The following MFAP5 variants were observed in gnomAD, a reference collection of about 807,000 sequenced individuals.
MFAP5 encodes the protein microfibril associated protein 5, also known as microfibrillar-associated protein 5.
MFAP5 carries 19 observed loss-of-function variants against 30.1 expected under a neutral mutation model. The ratio of observed to expected loss-of-function variants is 0.63; its 90% CI spans 0.44 to 0.93. MFAP5 has a LOEUF of 0.93. Ranked by LOEUF, MFAP5 falls within the 40% of genes least tolerant of loss-of-function variation. MFAP5 has a pLI of 0.00. For synonymous variants in MFAP5, 92 were observed against 72.9 expected (o/e 1.26, Z -1.33); for missense variants, 210 against 221.3 (o/e 0.95, Z 0.32).
At chr12:8,657,873 G>A (rs919081117) in intron 3 of MFAP5, among the ~76,000 whole-genome samples, 1 of 152,036 alleles carries the variant, frequency 6.6e-6, no homozygotes, top group Admixed American at 6.6e-5. Flanking sequence ...TGCCCGGCCT[G>A]ACTTCTTTTT....
In MFAP5 at chr12:8,648,077, C is replaced by G. The variant is rs373632449; in HGVS notation, c.*14G>C. The G allele has an allele frequency of 2.9e-5, 46 of 1,593,846 alleles. No individual in the cohort carries two copies. The highest frequency in any genetic ancestry group is 3.2e-5 in the Non-Finnish European group (37 of 1,164,390). Reference sequence around the variant, plus strand: ...TCACCCATACATTTTTTCTTCTTTCCTCTTTTTCAATGATCACAGACCATT... The same window carrying G: ...TCACCCATACATTTTTTCTTCTTTCGTCTTTTTCAATGATCACAGACCATT... On this transcript the variant is annotated 3_prime_UTR_variant, in exon 10 of 10. Coordinates refer to ENST00000359478, the MANE Select transcript of MFAP5 (RefSeq NM_003480.4).
intron 3 of MFAP5, among the ~76,000 whole-genome samples, chr12:8,659,075 G>A (rs1182070783): frequency 2.0e-5 from 3 of 149,912 alleles, no homozygotes; most frequent in East Asian, 2.0e-4. Context: ...TTGGGAGGCC[G>A]AGGCCTGCAG....
chr12:8,652,477 T>TAAATAAATAAAG (rs1490595041), intron 6 of MFAP5, among the ~76,000 whole-genome samples: 8 of 110,394 alleles, frequency 7.2e-5, no homozygotes, highest in African/African-American at 2.6e-4. Context: ...AATAAATAAA[T>TAAATAAATAAAG]AAAGAATAAT....
In MFAP5 at chr12:8,648,323, C is replaced by T. The variant is rs761771487; in HGVS notation, c.410-120G>A. 114 of 960,758 alleles carry T rather than the reference C, an allele frequency of 1.2e-4. No homozygotes were observed. The East Asian group carries it at 1.9e-3, about 16-fold the overall frequency. 59.5% of individuals were successfully genotyped at this position (960,758 alleles called of 1,614,324 possible). A position where few individuals can be genotyped will look rare whatever the true frequency, so the allele number is the denominator to read the frequency against. On this transcript the variant is annotated intron_variant, in intron 9 of 9. Coordinates refer to ENST00000359478, the MANE Select transcript of MFAP5 (RefSeq NM_003480.4). ...TGAAAAGGTTGGAGAGAAAAAGATC[C>T]GGGTTTTAACCAGCTCTGCCACTTA...
chr12:8,655,494 T>A (rs749703503), intron 4 of MFAP5, 47 bp from the exon 5 acceptor site: 1 of 1,575,904 alleles, frequency 6.3e-7, no homozygotes, highest in Non-Finnish European at 8.7e-7. Flanking sequence ...TCAGGAAAAG[T>A]AGCTAAGGAA....
chr12:8,654,521 A>G lies in MFAP5; in HGVS notation c.173-40T>C, dbSNP rs376563315. Reference sequence around the variant, plus strand: ...AACAGCAGGTATGAGGAGGGCTTCAAATTGCAAACACAAGGCAGAGTAAGA... The same window carrying G: ...AACAGCAGGTATGAGGAGGGCTTCAGATTGCAAACACAAGGCAGAGTAAGA... On this transcript the variant is annotated intron_variant, in intron 5 of 9. Transcript: ENST00000359478. The G allele has an allele frequency of 5.1e-6, 8 of 1,567,794 alleles. No individual in the cohort carries two copies. In the African/African-American group the frequency reaches 1.1e-4, roughly 21 times the overall value.
rs1491574935 is a variant in MFAP5, at chr12:8,656,669, T to TATATA, written c.95-840_95-839insTATAT. On this transcript the variant is annotated intron_variant, in intron 3 of 9. Transcript: ENST00000359478. ...ACACACATATATATATATATATATATTTTTTTTTTTTGAGACAGAGTCTGG... is the reference window on the plus strand; with the variant it reads ...ACACACATATATATATATATATATATATATATTTTTTTTTTTGAGACAGAGTCTGG... Among the ~76,000 whole-genome samples the TATATA allele has an allele frequency of 1.7e-4, 15 of 86,650 alleles. 1 individual carries two copies. Among genetic ancestry groups the TATATA allele is most frequent in the African/African-American group, 8.4e-4 (15 of 17,822 alleles). The allele number at this position is 86,650 out of a possible 152,430, so 56.8% of individuals were successfully genotyped here.
chr12:8,656,937 G>T (rs1942019397), intron 3 of MFAP5, among the ~76,000 whole-genome samples: 1 of 152,014 alleles, frequency 6.6e-6, no homozygotes, highest in Non-Finnish European at 1.5e-5. Flanking sequence ...CAGTGTGCTA[G>T]GATTACAGGT....
At chr12:8,652,860 T>G (rs1387178345) in intron 6 of MFAP5, among the ~76,000 whole-genome samples, 1 of 152,194 alleles carries the variant, frequency 6.6e-6, no homozygotes, top group South Asian at 2.1e-4. Context: ...ATACAGTGAA[T>G]GAGACCACCA....
At chr12:8,660,388 T>G in intron 3 of MFAP5, among the ~76,000 whole-genome samples, 1 of 151,786 alleles carries the variant, frequency 6.6e-6, no homozygotes, top group East Asian at 1.9e-4. Flanking sequence ...GGTCTCCCTG[T>G]GCTGCCCAGT....
chr12:8,654,943 A>AAAG (rs1328249149), intron 5 of MFAP5, among the ~76,000 whole-genome samples: 3 of 149,660 alleles, frequency 2.0e-5, no homozygotes, highest in Admixed American at 1.3e-4. Context: ...TCTGTCTCAA[A>AAAG]AAAAAAAAAA....
chr12:8,662,263 C>T (rs1942175778), intron 1 of MFAP5, 157 bp from the exon 2 acceptor site: 3 of 602,274 alleles, frequency 5.0e-6, no homozygotes, highest in African/African-American at 1.9e-5. Flanking sequence ...CTTTTCTTAC[C>T]TTTCACCCAA....
intron 8 of MFAP5, 55 bp from the exon 9 acceptor site, chr12:8,649,629 G>A (rs2136460132): frequency 1.4e-6 from 2 of 1,469,434 alleles, no homozygotes; most frequent in East Asian, 2.3e-5. Context: ...AGCCTTGAGA[G>A]GAGAACTCAC....
rs767238399 is a variant in MFAP5 at position 8,655,956 on chromosome 12, T to G, written c.95-126A>C. 5.3e-6 allele frequency: 4 copies of G among 755,428 alleles called. No individual in the cohort carries two copies. In the East Asian group the frequency reaches 9.8e-5, roughly 18 times the overall value. 46.8% of individuals were successfully genotyped at this position (755,428 alleles called of 1,614,324 possible). The stretch of plus-strand genomic sequence containing the variant: ...TGAGTATCCCACAAATGTTTTTCCT[T>G]GACTGCTTACAATAATGACAAACGA... On this transcript the variant is annotated intron_variant, in intron 3 of 9. Transcript: ENST00000359478.
chr12:8,648,432 C>A, intron 9 of MFAP5: 1 of 1,001,298 alleles, frequency 1.0e-6, no homozygotes, highest in Non-Finnish European at 1.4e-6. Context: ...AATTAAAATA[C>A]CTACCTCAAC....
At chr12:8,654,748 C>T (rs769831987) in intron 5 of MFAP5, among the ~76,000 whole-genome samples, 4 of 151,718 alleles carry the variant, frequency 2.6e-5, no homozygotes, top group Non-Finnish European at 5.9e-5. Flanking sequence ...GAGTTCAAGA[C>T]CAGCCTGGCC....
chr12:8,656,668 A>ATAT (rs1174790172), intron 3 of MFAP5, among the ~76,000 whole-genome samples: 9 of 118,786 alleles, frequency 7.6e-5, no homozygotes, highest in African/African-American at 2.1e-4. Context: ...ATATATATAT[A>ATAT]TTTTTTTTTT....
intron 9 of MFAP5, 192 bp from the exon 10 acceptor site, chr12:8,648,395 C>A: frequency 9.7e-6 from 9 of 927,414 alleles, no homozygotes; most frequent in South Asian, 9.1e-5. Context: ...ATTTTATAAA[C>A]CTCACTATCC....
intron 8 of MFAP5, 198 bp downstream of exon 8, chr12:8,650,304 A>G (rs928537505): frequency 1.8e-6 from 1 of 568,766 alleles, no homozygotes; most frequent in Non-Finnish European, 3.2e-6. Context: ...TCTAAGTTCT[A>G]TTACTCTGCC....
Sources: allele counts gnomAD v4.1 joint callset (sites outside exome capture counted in the v4.1 genomes callset), GRCh38; gene constraint gnomAD v4.1.1; transcripts MANE v1.5; gene names NCBI Gene and HGNC (gene_info 2026-07-23, HGNC 2026-07-21).